ST18: variants seen among roughly 807,000 people sequenced by gnomAD.
The protein encoded by ST18 is suppression of tumorigenicity 18 protein.
In ST18, 50 loss-of-function variants were observed where a neutral mutation model predicts 110.0. The ratio of observed to expected loss-of-function variants is 0.45; its 90% CI spans 0.36 to 0.58. The LOEUF (loss-of-function observed/expected upper bound fraction) is 0.58. ST18 is among the 20% of genes least tolerant of loss of function. ST18 has a pLI of 0.00. For missense variants in ST18, 1,306 were observed against 1,280.1 expected (o/e 1.02, Z -0.31); for synonymous variants, 461 against 452.4 (o/e 1.02, Z -0.24).
chr8:52,137,669 T>G (rs1022334372), intron 17 of ST18, 186 bp from the exon 18 acceptor site: 3 of 524,728 alleles, frequency 5.7e-6, no homozygotes, highest in Non-Finnish European at 1.0e-5. Context: ...GAAAGAAAAC[T>G]AAAAATCATA....
chr8:52,369,837 T>C (rs1159397379), intron 2 of ST18, among the ~76,000 whole-genome samples: 2 of 152,222 alleles, frequency 1.3e-5, no homozygotes, highest in Non-Finnish European at 2.9e-5. Context: ...TTGCCATCCC[T>C]GCTTAAGGGC....
intron 2 of ST18, among the ~76,000 whole-genome samples, chr8:52,341,130 A>G (rs1038227788): frequency 7.2e-5 from 11 of 152,222 alleles, no homozygotes; most frequent in Non-Finnish European, 4.4e-5. Flanking sequence ...GCAGCTTACC[A>G]GGCATCTTAG....
At chr8:52,238,583 C>T (rs2093010128) in intron 2 of ST18, among the ~76,000 whole-genome samples, 1 of 152,038 alleles carries the variant, frequency 6.6e-6, no homozygotes, top group Admixed American at 6.6e-5. Context: ...GACATGAAAT[C>T]CACCTAATTG....
chr8:52,164,144 GT>G, intron 12 of ST18, 54 bp from the exon 13 acceptor site: 3 of 1,466,876 alleles, frequency 2.0e-6, no homozygotes, highest in Non-Finnish European at 9.6e-7. Flanking sequence ...AATATGATTT[GT>G]TTTGGCATGT....
intron 3 of ST18, among the ~76,000 whole-genome samples, chr8:52,229,454 G>C (rs935955058): frequency 6.6e-6 from 1 of 152,146 alleles, no homozygotes; most frequent in South Asian, 2.1e-4. Context: ...TGTAAACTGA[G>C]AGCCATTCCC....
rs560870598 is a variant in ST18, at chr8:52,370,406, G to A, written c.-465+38922C>T. Among the ~76,000 whole-genome samples, 240 of 143,070 alleles carry A rather than the reference G, an allele frequency of 1.7e-3. 2 individuals are homozygous for A. The highest frequency in any genetic ancestry group is 5.0e-3 in the African/African-American group (171 of 33,996). The allele number at this position is 143,070 out of a possible 152,430, so 93.9% of individuals were successfully genotyped here. A position where few individuals can be genotyped will look rare whatever the true frequency, so the allele number is the denominator to read the frequency against. The stretch of plus-strand genomic sequence containing the variant: ...CATGTGTGCGTGTGTGTGTGCATGC[G>A]TGTGACTGTGTGTGTGTGTGAGTGT... On this transcript the variant is annotated intron_variant, in intron 2 of 25. Coordinates refer to ENST00000689386, the MANE Select transcript of ST18 (RefSeq NM_001352837.2).
chr8:52,323,164 T>C (rs757781548), intron 2 of ST18, among the ~76,000 whole-genome samples: 3 of 151,770 alleles, frequency 2.0e-5, no homozygotes, highest in Non-Finnish European at 4.4e-5. Context: ...CAAAGCAACA[T>C]GTCTAGAATT....
At chr8:52,242,688 T>TTC (rs1488184292) in intron 2 of ST18, among the ~76,000 whole-genome samples, 5 of 151,920 alleles carry the variant, frequency 3.3e-5, no homozygotes, top group East Asian at 1.9e-4. Context: ...TAGTAGAGGT[T>TTC]TAGTAGAAAC....
At position 52,235,942 on chromosome 8, in the gene ST18, A is replaced by C. The variant is rs555718630; in HGVS notation, c.-464-5865T>G. ...ATGTCAAAAGAAAATACTAAACTAA[A>C]CTGGGTAGTTCTGAAAATACCAGGA... On this transcript the variant is annotated intron_variant, in intron 2 of 25. Transcript: ENST00000689386. Among the ~76,000 whole-genome samples the C allele has an allele frequency of 4.8e-4, 73 of 152,310 alleles. 1 individual carries two copies. The highest frequency in any genetic ancestry group is 1.0e-3 in the Non-Finnish European group (70 of 68,020).
rs756781731 is a variant in ST18, at chr8:52,166,909, A to G, written c.1147T>C (p.Tyr383His). The stretch of plus-strand genomic sequence containing the variant: ...CCCGAAAGGCTGCGGTGGTGCGGGT[A>G]GAGCCCTGTCACGTGTCCCGTGCCA... ...CDGTGHVTGL[Y>H]PHHRSLSGCP... Residue 383 changes from tyrosine (Y) to histidine (H), a missense_variant, in exon 11 of 26, where the codon TAC (tyrosine) becomes CAC (histidine). Coordinates refer to ENST00000689386, the MANE Select transcript of ST18 (RefSeq NM_001352837.2). The G allele has an allele frequency of 6.2e-7, 1 of 1,612,228 alleles. No homozygotes were observed. Among genetic ancestry groups the G allele is most frequent in the Non-Finnish European group, 8.5e-7 (1 of 1,178,624 alleles).
chr8:52,152,440 CTTTAG>C (rs2059050429), intron 15 of ST18, among the ~76,000 whole-genome samples: 1 of 152,112 alleles, frequency 6.6e-6, no homozygotes, highest in Non-Finnish European at 1.5e-5. Context: ...TATTCTGGAT[CTTTAG>C]TTTAAGTATT....
At chr8:52,223,643 CAAA>C (rs200869357) in intron 3 of ST18, among the ~76,000 whole-genome samples, 9 of 115,612 alleles carry the variant, frequency 7.8e-5, no homozygotes, top group African/African-American at 2.4e-4. Flanking sequence ...GACTCTGTCT[CAAA>C]AAAAAAAAAA....
chr8:52,154,212 C>T (rs993779170), intron 15 of ST18, among the ~76,000 whole-genome samples: 9 of 152,296 alleles, frequency 5.9e-5, no homozygotes, highest in South Asian at 4.1e-4. Flanking sequence ...CCAGAAAAGG[C>T]GGCATCAGGG....
At chr8:52,151,203 C>T (rs1239851342) in intron 15 of ST18, among the ~76,000 whole-genome samples, 2 of 152,160 alleles carry the variant, frequency 1.3e-5, no homozygotes, top group East Asian at 3.9e-4. Context: ...CCCCCACTCC[C>T]AACCCCCAAA....
intron 2 of ST18, among the ~76,000 whole-genome samples, chr8:52,309,139 T>A (rs976783480): frequency 8.5e-5 from 13 of 152,074 alleles, no homozygotes; most frequent in Admixed American, 6.5e-5. Flanking sequence ...CAAAGCCAAG[T>A]AAATGCTGAG....
At chr8:52,138,093 C>CAAAAAAAAAAAA (rs35928892) in intron 17 of ST18, among the ~76,000 whole-genome samples, 2 of 59,542 alleles carry the variant, frequency 3.4e-5, no homozygotes, top group Non-Finnish European at 8.0e-5. Flanking sequence ...AACTCTGTCT[C>CAAAAAAAAAAAA]AAAAAAAAAA....
At chr8:52,392,162 A>T (rs924057838) in intron 2 of ST18, among the ~76,000 whole-genome samples, 1 of 152,228 alleles carries the variant, frequency 6.6e-6, no homozygotes, top group Non-Finnish European at 1.5e-5. Flanking sequence ...AATTAAGAGT[A>T]TCTACATGAG....
At chr8:52,180,454 A>T (rs971599695) in intron 8 of ST18, 142 bp from the exon 9 acceptor site, 54 of 810,044 alleles carry the variant, frequency 6.7e-5, no homozygotes, top group Non-Finnish European at 9.7e-5. Context: ...TAACAAAAAC[A>T]TCCCATCTGT....
chr8:52,210,213 G>A, intron 8 of ST18: 1 of 438,926 alleles, frequency 2.3e-6, no homozygotes, highest in Non-Finnish European at 4.5e-6. Flanking sequence ...TATTCTACAG[G>A]GGACATAAAT....
Sources: allele counts gnomAD v4.1 joint callset (sites outside exome capture counted in the v4.1 genomes callset), GRCh38; gene constraint gnomAD v4.1.1; transcripts MANE v1.5; gene names NCBI Gene and HGNC (gene_info 2026-07-23, HGNC 2026-07-21).